The following FRMD4A variants were observed in gnomAD, a reference collection of about 807,000 sequenced individuals.
FRMD4A encodes the protein FERM domain-containing protein 4A.
In FRMD4A, 29 loss-of-function variants were observed where a neutral mutation model predicts 129.1. The observed-to-expected ratio is 0.22, with a 90% confidence interval of 0.17 to 0.31. FRMD4A has a LOEUF of 0.31. FRMD4A is among the 10% of genes least tolerant of loss of function. FRMD4A has a pLI of 1.00. For synonymous variants in FRMD4A, 634 were observed against 571.6 expected, an observed-to-expected ratio of 1.11 and a Z score of -1.56; for missense variants, 1,272 against 1,375.8, an observed-to-expected ratio of 0.92 and a Z score of 1.19.
chr10:14,110,125 T>TTGAAAAAAAA (rs372420987), intron 2 of FRMD4A, among the ~76,000 whole-genome samples: 1 of 89,520 alleles, frequency 1.1e-5, no homozygotes, highest in Non-Finnish European at 2.0e-5. Flanking sequence ...CGAGATGCTG[T>TTGAAAAAAAA]AAAAAAAAAA....
intron 2 of FRMD4A, among the ~76,000 whole-genome samples, chr10:14,092,242 C>T (rs1395971540): frequency 5.3e-5 from 8 of 152,148 alleles, no homozygotes; most frequent in East Asian, 1.9e-4. Context: ...AGACAGTGAC[C>T]GGGTAAATAC....
At chr10:13,842,418 C>T (rs534935510) in intron 3 of FRMD4A, among the ~76,000 whole-genome samples, 2 of 152,352 alleles carry the variant, frequency 1.3e-5, no homozygotes, top group South Asian at 4.1e-4. Flanking sequence ...GTCCCAGCCC[C>T]CACTGATTGG....
chr10:14,127,998 CTCTT>C (rs1330039110), intron 2 of FRMD4A, among the ~76,000 whole-genome samples: 2,123 of 99,716 alleles, frequency 0.021, 238 homozygotes, highest in East Asian at 0.12. Context: ...CTCTCTCTCT[CTCTT>C]TCTTTCTTTC....
intron 2 of FRMD4A, among the ~76,000 whole-genome samples, chr10:14,091,556 C>T (rs1232096556): frequency 1.3e-5 from 2 of 152,178 alleles, no homozygotes; most frequent in African/African-American, 4.8e-5. Context: ...GCCTCAGCCT[C>T]CTGAGTAGCT....
chr10:13,660,981 C>A (rs1018840973), intron 19 of FRMD4A, among the ~76,000 whole-genome samples: 2 of 152,108 alleles, frequency 1.3e-5, no homozygotes, highest in African/African-American at 4.8e-5. Flanking sequence ...GTTTCATCTG[C>A]TGCTAGATCC....
chr10:14,110,524 G>A (rs372612303), intron 2 of FRMD4A, among the ~76,000 whole-genome samples: 2 of 152,016 alleles, frequency 1.3e-5, no homozygotes, highest in African/African-American at 4.8e-5. Context: ...ATAAACATTC[G>A]GGACAATGGA....
At chr10:13,928,319 T>C (rs1359889246) in intron 2 of FRMD4A, among the ~76,000 whole-genome samples, 1 of 145,576 alleles carries the variant, frequency 6.9e-6, no homozygotes, top group Non-Finnish European at 1.5e-5. Context: ...AACATATCTT[T>C]AGCTGGATTT....
chr10:13,683,650 G>A (rs981947222), intron 15 of FRMD4A, among the ~76,000 whole-genome samples: 1 of 151,598 alleles, frequency 6.6e-6, no homozygotes, highest in Admixed American at 6.6e-5. Flanking sequence ...GAAGGTGGAA[G>A]GTGGAACCCA....
At chr10:14,118,752 C>T (rs12355054) in intron 2 of FRMD4A, among the ~76,000 whole-genome samples, 24,926 of 152,086 alleles carry the variant, frequency 0.16, 2,146 homozygotes, top group Non-Finnish European at 0.2. Flanking sequence ...TTTACTACAA[C>T]GAGAACAGTA....
chr10:14,081,146 T>C (rs1835906504), intron 2 of FRMD4A, among the ~76,000 whole-genome samples: 1 of 152,160 alleles, frequency 6.6e-6, no homozygotes, highest in South Asian at 2.1e-4. Flanking sequence ...TTTAATAAAC[T>C]CTCCATGACT....
Position 14,300,413 on chromosome 10 carries a change from A to G in FRMD4A, c.45+29645T>C, listed in dbSNP as rs573609667. On this transcript the variant is annotated intron_variant, in intron 2 of 24. Coordinates refer to ENST00000357447, the MANE Select transcript of FRMD4A (RefSeq NM_018027.5). ...ACATAAGTGGTTTAGACAGTCTGCA[A>G]TTTTTAAAAAATTCCAAGCCCCACT... Among the ~76,000 whole-genome samples the G allele has an allele frequency of 2.6e-5, 4 of 152,244 alleles. No individual in the cohort carries two copies. The East Asian group carries it at 7.7e-4, about 29-fold the overall frequency.
intron 2 of FRMD4A, among the ~76,000 whole-genome samples, chr10:14,304,616 C>T (rs553219923): frequency 3.3e-5 from 5 of 152,298 alleles, no homozygotes; most frequent in African/African-American, 1.2e-4. Context: ...TCTGGCCAAG[C>T]TCATGGTGAC....
intron 2 of FRMD4A, among the ~76,000 whole-genome samples, chr10:14,084,540 G>A (rs756536233): frequency 6.6e-6 from 1 of 152,174 alleles, no homozygotes; most frequent in Non-Finnish European, 1.5e-5. Flanking sequence ...TTACAGACTG[G>A]AGGAGAGATG....
Position 13,765,884 on chromosome 10 carries a change from G to C in FRMD4A, c.385-3204C>G, listed in dbSNP as rs533009069. 8.5e-5 allele frequency among the ~76,000 whole-genome samples: 13 copies of C among 152,320 alleles called. No homozygotes were observed. The South Asian group carries it at 2.5e-3, about 29-fold the overall frequency. Reference sequence around the variant, plus strand: ...CACCTGAATGCCTTGGGGTGCACTTGTTAGCGTGCTGTTGTATGTGTGCTT... The same window carrying C: ...CACCTGAATGCCTTGGGGTGCACTTCTTAGCGTGCTGTTGTATGTGTGCTT... On this transcript the variant is annotated intron_variant, in intron 6 of 24. Transcript: ENST00000357447.
intron 14 of FRMD4A, among the ~76,000 whole-genome samples, chr10:13,695,421 G>GT (rs2086125882): frequency 6.6e-6 from 1 of 152,202 alleles, no homozygotes; most frequent in Non-Finnish European, 1.5e-5. Flanking sequence ...GATTACAGGC[G>GT]TGAGCCACCG....
chr10:14,139,912 A>G (rs574687586), intron 2 of FRMD4A, among the ~76,000 whole-genome samples: 1 of 152,324 alleles, frequency 6.6e-6, no homozygotes, highest in African/African-American at 2.4e-5. Flanking sequence ...TAGACAATTT[A>G]GAAACACTAT....
intron 2 of FRMD4A, among the ~76,000 whole-genome samples, chr10:13,979,374 G>A (rs77361300): frequency 0.024 from 3,599 of 152,198 alleles, 64 homozygotes; most frequent in Middle Eastern, 0.037. Flanking sequence ...CGCAGAGGAC[G>A]ATTAAGCTGA....
chr10:14,162,505 T>C (rs547624532), intron 2 of FRMD4A, among the ~76,000 whole-genome samples: 3 of 152,270 alleles, frequency 2.0e-5, no homozygotes, highest in African/African-American at 4.8e-5. Context: ...GCACTCTCAT[T>C]GTACAGGAGG....
chr10:13,775,479 T>C (rs902697349), intron 6 of FRMD4A, among the ~76,000 whole-genome samples: 5 of 152,300 alleles, frequency 3.3e-5, no homozygotes, highest in African/African-American at 1.2e-4. Context: ...GATACAAAGC[T>C]AGAATAAAGA....
Sources: gnomAD v4.1 joint callset for allele counts (sites outside exome capture counted in the v4.1 genomes callset) on GRCh38, gnomAD v4.1.1 for gene constraint, MANE v1.5 for transcripts, NCBI Gene and HGNC (gene_info 2026-07-23, HGNC 2026-07-21) for gene names.